The following PTTG1IP2 variants were observed in gnomAD, a reference collection of about 807,000 sequenced individuals.
PTTG1IP2 encodes PTTG1IP family member 2.
At chr7:90,493,532 A>G (rs1797962245) in intron 5 of PTTG1IP2, among the ~76,000 whole-genome samples, 1 of 152,220 alleles carries the variant, frequency 6.6e-6, no homozygotes, top group Non-Finnish European at 1.5e-5. Flanking sequence ...AAAAACACTG[A>G]AAAGAGCACA....
chr7:90,479,529 T>C (rs1041434527), intron 2 of PTTG1IP2, among the ~76,000 whole-genome samples: 3 of 152,212 alleles, frequency 2.0e-5, no homozygotes, highest in Non-Finnish European at 4.4e-5. Flanking sequence ...AATTATTTGC[T>C]TGAAAAAAAT....
intron 1 of PTTG1IP2, among the ~76,000 whole-genome samples, chr7:90,474,050 A>G (rs943037052): frequency 6.6e-6 from 1 of 152,228 alleles, no homozygotes; most frequent in African/African-American, 2.4e-5. Flanking sequence ...AGGCAATTTC[A>G]TCATTGTGTG....
chr7:90,472,725 T>C (rs1375517500), intron 1 of PTTG1IP2, among the ~76,000 whole-genome samples: 1 of 152,218 alleles, frequency 6.6e-6, no homozygotes, highest in East Asian at 1.9e-4. Flanking sequence ...TCAGCCTCTT[T>C]CATCACCTGC....
intron 6 of PTTG1IP2, among the ~76,000 whole-genome samples, chr7:90,499,536 A>C (rs192700125): frequency 2.2e-4 from 33 of 152,252 alleles, no homozygotes; most frequent in South Asian, 1.7e-3. Flanking sequence ...ATAATGTAAA[A>C]AGGTACAATT....
chr7:90,485,789 C>T (rs150520345), intron 2 of PTTG1IP2, among the ~76,000 whole-genome samples: 20 of 152,252 alleles, frequency 1.3e-4, no homozygotes, highest in East Asian at 9.7e-4. Context: ...CACTTAAGTG[C>T]GCATAGCTCT....
chr7:90,487,078 G>A (rs1797882879), intron 2 of PTTG1IP2, among the ~76,000 whole-genome samples: 1 of 152,192 alleles, frequency 6.6e-6, no homozygotes, highest in South Asian at 2.1e-4. Flanking sequence ...TGTGGGCTAG[G>A]TGGTCCCTAT....
intron 4 of PTTG1IP2, among the ~76,000 whole-genome samples, chr7:90,489,954 C>CA (rs1203398618): frequency 8.6e-5 from 13 of 151,968 alleles, no homozygotes; most frequent in African/African-American, 3.1e-4. Flanking sequence ...TTCTCATTAA[C>CA]AAAAACACAT....
chr7:90,512,380 G>A (rs947680010), intron 6 of PTTG1IP2, among the ~76,000 whole-genome samples: 1 of 152,136 alleles, frequency 6.6e-6, no homozygotes, highest in Non-Finnish European at 1.5e-5. Flanking sequence ...ACTAGGAAAG[G>A]CCTATTTATT....
At chr7:90,483,917 A>T (rs1407605889) in intron 2 of PTTG1IP2, among the ~76,000 whole-genome samples, 1 of 152,144 alleles carries the variant, frequency 6.6e-6, no homozygotes, top group Non-Finnish European at 1.5e-5. Context: ...CATCTTTCAC[A>T]GTCCTGGTCT....
chr7:90,495,447 C>G (rs946975789), intron 6 of PTTG1IP2, among the ~76,000 whole-genome samples: 1 of 152,140 alleles, frequency 6.6e-6, no homozygotes, highest in South Asian at 2.1e-4. Context: ...AACATAGTTA[C>G]AAATTTGGCT....
chr7:90,474,363 G>C (rs2188519), intron 1 of PTTG1IP2, among the ~76,000 whole-genome samples: 34,279 of 152,140 alleles, frequency 0.23, 4,286 homozygotes, highest in East Asian at 0.55. Flanking sequence ...GACAGTGCTG[G>C]AAAACAACAT....
intron 1 of PTTG1IP2, among the ~76,000 whole-genome samples, chr7:90,478,000 A>G (rs12704541): frequency 0.4 from 59,706 of 149,966 alleles, 12,858 homozygotes; most frequent in Non-Finnish European, 0.5. Context: ...GGGAGGCTGA[A>G]GCAGGAGAAT....
intron 1 of PTTG1IP2, among the ~76,000 whole-genome samples, chr7:90,476,720 A>G (rs1797751609): frequency 6.6e-6 from 1 of 152,204 alleles, no homozygotes; most frequent in African/African-American, 2.4e-5. Flanking sequence ...AGTACAGTAC[A>G]CCAAGATGAC....
Position 90,509,131 on chromosome 7 carries a change from G to A in PTTG1IP2, c.*51-4147G>A, listed in dbSNP as rs17865531. On this transcript the variant is annotated intron_variant, in intron 6 of 6. Coordinates refer to ENST00000509356, the MANE Select transcript of PTTG1IP2 (RefSeq NM_001365443.2). ...GTGAAGGCTTTTTTTTTTTTTTGGAGGGGCGGACAACAGCATAATCAGATT... is the reference window on the plus strand; with the variant it reads ...GTGAAGGCTTTTTTTTTTTTTTGGAAGGGCGGACAACAGCATAATCAGATT... Among the ~76,000 whole-genome samples the A allele has an allele frequency of 5.4e-3, 798 of 147,446 alleles. 8 individuals are homozygous for A. The highest frequency in any genetic ancestry group is 0.019 in the African/African-American group (764 of 40,126).
chr7:90,482,509 C>T (rs1014723319), intron 2 of PTTG1IP2, among the ~76,000 whole-genome samples: 2 of 150,752 alleles, frequency 1.3e-5, no homozygotes, highest in East Asian at 4.0e-4. Flanking sequence ...TTTACAACCC[C>T]CCCCCCACAC....
In PTTG1IP2 at chr7:90,505,990, C is replaced by CAA. The variant is rs59521168; in HGVS notation, c.*51-7259_*51-7258dup. Among the ~76,000 whole-genome samples, 92 of 77,356 alleles carry CAA rather than the reference C, an allele frequency of 1.2e-3. 2 individuals are homozygous for CAA. Among genetic ancestry groups the CAA allele is most frequent in the Non-Finnish European group, 1.4e-3 (59 of 42,508 alleles). 50.7% of individuals were successfully genotyped at this position (77,356 alleles called of 152,430 possible). On this transcript the variant is annotated intron_variant, in intron 6 of 6. Transcript: ENST00000509356. ...TGGGCGACAGAGCGAGACTCCGTCT[C>CAA]AAAAAAAAAAAAAAAAAAAAAAAAA...
chr7:90,492,978 C>A (rs1797955200), intron 5 of PTTG1IP2, among the ~76,000 whole-genome samples: 1 of 152,216 alleles, frequency 6.6e-6, no homozygotes, highest in Non-Finnish European at 1.5e-5. Context: ...TGGGCAGGCA[C>A]TCCCAATCCT....
chr7:90,475,794 A>G (rs775490157), intron 1 of PTTG1IP2, among the ~76,000 whole-genome samples: 1 of 152,046 alleles, frequency 6.6e-6, no homozygotes, highest in Admixed American at 6.6e-5. Flanking sequence ...TCCCATCTCT[A>G]CTAAAAATAT....
At chr7:90,493,502 C>T (rs377500793) in intron 5 of PTTG1IP2, among the ~76,000 whole-genome samples, 2 of 152,246 alleles carry the variant, frequency 1.3e-5, no homozygotes, top group East Asian at 1.9e-4. Context: ...ATTTTAAATT[C>T]GACAACACAT....
Sources: allele counts gnomAD v4.1 joint callset (sites outside exome capture counted in the v4.1 genomes callset), GRCh38; gene constraint gnomAD v4.1.1; transcripts MANE v1.5; gene names NCBI Gene and HGNC (gene_info 2026-07-23, HGNC 2026-07-21).